The following NRXN1 variants were observed in gnomAD, a reference collection of about 807,000 sequenced individuals.
The protein encoded by NRXN1 is neurexin 1.
A neutral mutation model predicts 150.9 loss-of-function variants in NRXN1; 39 were observed. The observed-to-expected ratio is 0.26, with a 90% CI of 0.20 to 0.34. NRXN1 has a LOEUF of 0.34. Ranked by LOEUF, NRXN1 falls within the 10% of genes least tolerant of loss-of-function variation. The pLI, the probability that NRXN1 is intolerant of heterozygous loss-of-function variation, is 1.00. For missense variants in NRXN1, 1,815 were observed against 1,949.9 expected (o/e 0.93, Z 1.30); for synonymous variants, 924 against 757.0 (o/e 1.22, Z -3.62).
chr2:50,285,409 G>T (rs1204084231), intron 17 of NRXN1, among the ~76,000 whole-genome samples: 1 of 152,130 alleles, frequency 6.6e-6, no homozygotes, highest in African/African-American at 2.4e-5. Context: ...GCAGGGCGCA[G>T]TCACACACAA....
intron 17 of NRXN1, among the ~76,000 whole-genome samples, chr2:50,332,856 C>T (rs2076921705): frequency 6.6e-6 from 1 of 152,138 alleles, no homozygotes; most frequent in Non-Finnish European, 1.5e-5. Flanking sequence ...GATCAAAAGC[C>T]AGTGAGTTCA....
intron 17 of NRXN1, among the ~76,000 whole-genome samples, chr2:50,424,982 A>G (rs1198424139): frequency 6.6e-6 from 1 of 152,214 alleles, no homozygotes; most frequent in Non-Finnish European, 1.5e-5. Context: ...ATTGAAGTAA[A>G]GCTTCTCAAC....
chr2:50,346,795 G>C lies in NRXN1; in HGVS notation c.3365-109825C>G. 1 of 1,613,528 alleles carries C rather than the reference G, an allele frequency of 6.2e-7. No individual in the cohort carries two copies. On this transcript the variant is annotated intron_variant, in intron 17 of 22. Transcript: ENST00000401669. This position sits in a 1 kb window ranked among gnomAD's most constrained non-coding sequence, Gnocchi z 5.0. ...GTGGATGTGGTGCGCTCCCAAACTG[G>C]ATGCCCCCCACGCCACTCCTAGGAG...
chr2:50,438,129 T>A (rs1037842211), intron 17 of NRXN1, among the ~76,000 whole-genome samples: 3 of 152,108 alleles, frequency 2.0e-5, no homozygotes, highest in Admixed American at 2.0e-4. Context: ...ATCAAAAAAA[T>A]TTTCCCAGGT....
chr2:51,012,900 T>C (rs959284015), intron 2 of NRXN1, among the ~76,000 whole-genome samples: 15 of 152,048 alleles, frequency 9.9e-5, no homozygotes, highest in Non-Finnish European at 2.2e-4. Context: ...CCCAAAACTA[T>C]TTTTCTGCCC....
chr2:50,801,281 T>C (rs2105692722), intron 5 of NRXN1, among the ~76,000 whole-genome samples: 1 of 152,316 alleles, frequency 6.6e-6, no homozygotes, highest in African/African-American at 2.4e-5. Flanking sequence ...TTCTATTTTT[T>C]TGTTCAGGAT....
chr2:50,225,386 G>A (rs2064272729), intron 18 of NRXN1, among the ~76,000 whole-genome samples: 1 of 151,962 alleles, frequency 6.6e-6, no homozygotes, highest in Admixed American at 6.6e-5. Context: ...ATACGGACAT[G>A]TAAAGATACA....
chr2:50,872,553 T>C (rs1362601761), intron 5 of NRXN1, among the ~76,000 whole-genome samples: 1 of 151,706 alleles, frequency 6.6e-6, no homozygotes, highest in African/African-American at 2.4e-5. Context: ...GGGCTACCAT[T>C]TTATGCTAAA....
chr2:50,669,142 A>G (rs923458011), intron 5 of NRXN1, among the ~76,000 whole-genome samples: 1 of 151,812 alleles, frequency 6.6e-6, no homozygotes, highest in Non-Finnish European at 1.5e-5. Flanking sequence ...AATAACAAAC[A>G]ATGCATTTGG....
intron 18 of NRXN1, among the ~76,000 whole-genome samples, chr2:50,114,676 C>G (rs1414290925): frequency 7.3e-6 from 1 of 136,330 alleles, no homozygotes. Flanking sequence ...TCATTCAGTG[C>G]TAAAAGAAAT....
intron 8 of NRXN1, among the ~76,000 whole-genome samples, chr2:50,586,749 T>C (rs1673162863): frequency 1.3e-5 from 2 of 152,160 alleles, no homozygotes; most frequent in Admixed American, 1.3e-4. Context: ...TTGGAAAACA[T>C]AGAAGCTAAC....
At chr2:51,021,565 T>TAC (rs1553506166) in intron 2 of NRXN1, among the ~76,000 whole-genome samples, 1 of 149,626 alleles carries the variant, frequency 6.7e-6, no homozygotes, top group Non-Finnish European at 1.5e-5. Flanking sequence ...TATATATATA[T>TAC]ACACAATTTT....
chr2:50,582,088 T>G (rs1272471294), intron 8 of NRXN1, among the ~76,000 whole-genome samples: 1 of 152,170 alleles, frequency 6.6e-6, no homozygotes. Flanking sequence ...TTTAGTTTTG[T>G]TAATAACCGG....
intron 17 of NRXN1, among the ~76,000 whole-genome samples, chr2:50,436,398 G>T (rs1474306849): frequency 1.3e-5 from 2 of 151,920 alleles, no homozygotes; most frequent in Admixed American, 6.6e-5. Flanking sequence ...GGCTGTGGTG[G>T]GCCGAGATAG....
At position 50,941,146 on chromosome 2, in the gene NRXN1, G is replaced by T. The variant is rs932232593; in HGVS notation, c.773-15191C>A. On this transcript the variant is annotated intron_variant, in intron 2 of 22. Transcript: ENST00000401669. ...TCTGCCATCATGCAAGATATGCCTT[G>T]CTTTCCCTTCACTTTCCACTATGAT... 3.3e-5 allele frequency among the ~76,000 whole-genome samples: 5 copies of T among 152,052 alleles called. No individual in the cohort carries two copies. The Middle Eastern group carries it at 0.01, about 310-fold the overall frequency.
intron 2 of NRXN1, among the ~76,000 whole-genome samples, chr2:51,020,231 T>C (rs968797760): frequency 6.6e-6 from 1 of 151,790 alleles, no homozygotes; most frequent in Non-Finnish European, 1.5e-5. Flanking sequence ...CCAACCTCTA[T>C]CATCATAGAT....
At chr2:50,623,686 A>C (rs1680465097) in intron 5 of NRXN1, 71 bp from the exon 6 acceptor site, 1 of 1,075,396 alleles carries the variant, frequency 9.3e-7, no homozygotes, top group African/African-American at 1.6e-5. Flanking sequence ...CTTAACAGAA[A>C]CAATAGCTAA....
intron 18 of NRXN1, among the ~76,000 whole-genome samples, chr2:50,205,231 T>C (rs931404914): frequency 2.0e-5 from 3 of 152,102 alleles, no homozygotes; most frequent in Admixed American, 2.0e-4. Flanking sequence ...ATGAAAAACT[T>C]TGCATTTTAG....
intron 5 of NRXN1, among the ~76,000 whole-genome samples, chr2:50,664,764 G>A (rs1265972805): frequency 1.3e-5 from 2 of 149,412 alleles, no homozygotes; most frequent in Admixed American, 6.7e-5. Flanking sequence ...ATAAAAGATG[G>A]AGTTAACATT....
Sources: gnomAD v4.1 joint callset for allele counts (sites outside exome capture counted in the v4.1 genomes callset) on GRCh38, gnomAD v4.1.1 for gene constraint, Gnocchi (gnomAD v3.1) non-coding constraint, MANE v1.5 for transcripts, NCBI Gene and HGNC (gene_info 2026-07-23, HGNC 2026-07-21) for gene names.